The following PRUNE2 variants were observed in gnomAD, a reference collection of about 807,000 sequenced individuals.
PRUNE2 encodes the protein protein prune homolog 2.
A neutral mutation model predicts 252.0 loss-of-function variants in PRUNE2; 164 were observed. That is an observed-to-expected ratio of 0.65 (90% CI 0.57 to 0.74). PRUNE2 has a LOEUF of 0.74. Ranked by LOEUF, PRUNE2 falls within the 30% of genes least tolerant of loss-of-function variation. The pLI, the probability that PRUNE2 is intolerant of heterozygous loss-of-function variation, is 0.00. For missense variants in PRUNE2, 3,495 were observed against 3,711.0 expected, an observed-to-expected ratio of 0.94 and a Z score of 1.51; for synonymous variants, 1,292 against 1,350.2, an observed-to-expected ratio of 0.96 and a Z score of 0.94.
At chr9:76,819,825 T>C (rs766498844) in intron 6 of PRUNE2, among the ~76,000 whole-genome samples, 4 of 152,216 alleles carry the variant, frequency 2.6e-5, no homozygotes, top group Admixed American at 6.5e-5. Context: ...TTCATTAGAA[T>C]GAAAAGATGT....
At position 76,706,346 on chromosome 9, in the gene PRUNE2, G is replaced by A. The variant is rs747249877; in HGVS notation, c.5928C>T (p.His1976=). Residue 1976 remains histidine, a synonymous_variant, in exon 8 of 19, where the codon CAC becomes CAT. Coordinates refer to ENST00000376718, the MANE Select transcript of PRUNE2 (RefSeq NM_015225.3). ...ATGTAACACAACTATTTTCCTCTGC[G>A]TGAGTAAAGGCTGTGTCCGGATGAT... The part of the protein sequence containing the change: ...VCDHPDTAFT[H]AEENSCVTSN... The A allele has an allele frequency of 1.3e-5, 21 of 1,613,834 alleles. No homozygotes were observed. The highest frequency in any genetic ancestry group is 5.0e-5 in the Admixed American group (3 of 60,006).
At chr9:76,824,048 G>C (rs1486334857) in intron 5 of PRUNE2, among the ~76,000 whole-genome samples, 1 of 152,128 alleles carries the variant, frequency 6.6e-6, no homozygotes, top group Non-Finnish European at 1.5e-5. Flanking sequence ...AAGGGACCCA[G>C]AAAGAAAACA....
intron 1 of PRUNE2, among the ~76,000 whole-genome samples, chr9:76,861,781 A>G (rs1239612738): frequency 4.0e-5 from 6 of 150,632 alleles, no homozygotes; most frequent in Admixed American, 3.9e-4. Context: ...TATTTTATTT[A>G]CAGCATTTTT....
intron 6 of PRUNE2, 108 bp from the exon 7 acceptor site, chr9:76,713,829 A>G: frequency 1.4e-6 from 1 of 689,802 alleles, no homozygotes; most frequent in Non-Finnish European, 2.3e-6. Context: ...GATATTTATT[A>G]TTTAAGGCAA....
At chr9:76,879,974 T>C (rs1265032203) in intron 1 of PRUNE2, among the ~76,000 whole-genome samples, 1 of 133,056 alleles carries the variant, frequency 7.5e-6, no homozygotes, top group Non-Finnish European at 1.5e-5. Context: ...AGTGCAGTGG[T>C]GCAATCTCGA....
rs199802266 is a variant in PRUNE2 at position 76,710,411 on chromosome 9, T to C, written c.1863A>G (p.Pro621=). The C allele has an allele frequency of 4.9e-5, 79 of 1,614,014 alleles. No homozygotes were observed. In the African/African-American group the frequency reaches 9.9e-4, roughly 20 times the overall value. The change falls in exon 8 of 19, where the codon CCA becomes CCG. Residue 621 remains proline (P), a synonymous_variant. Transcript: ENST00000376718. ...AGAGTGAGGCTGGTTCTTCAGTGGA[T>C]GGCGAGCTTTCTACTAAACTATTCA... The part of the protein sequence containing the change: ...TPMNSLVESS[P]STEEPASLYT...
At chr9:76,805,405 G>A (rs1370496249) in intron 6 of PRUNE2, among the ~76,000 whole-genome samples, 1 of 152,144 alleles carries the variant, frequency 6.6e-6, no homozygotes, top group Non-Finnish European at 1.5e-5. Flanking sequence ...AGGATCACTT[G>A]AGGTCAGGAG....
intron 18 of PRUNE2, 69 bp from the exon 19 acceptor site, chr9:76,614,669 T>G: frequency 8.3e-7 from 1 of 1,200,672 alleles, no homozygotes; most frequent in Non-Finnish European, 1.2e-6. Context: ...ATGATTTGGG[T>G]AGCACTGTGT....
At chr9:76,698,176 A>G (rs911227980) in intron 9 of PRUNE2, among the ~76,000 whole-genome samples, 5 of 151,796 alleles carry the variant, frequency 3.3e-5, no homozygotes, top group Admixed American at 2.0e-4. Flanking sequence ...CCTCCCGAGT[A>G]GCTGGGATTA....
intron 6 of PRUNE2, among the ~76,000 whole-genome samples, chr9:76,811,718 T>C (rs1169847072): frequency 2.0e-5 from 3 of 152,222 alleles, no homozygotes; most frequent in Non-Finnish European, 4.4e-5. Context: ...AAATGCTTTC[T>C]GACAATACGC....
intron 15 of PRUNE2, among the ~76,000 whole-genome samples, chr9:76,629,734 T>G (rs1330634082): frequency 6.6e-6 from 1 of 152,114 alleles, no homozygotes. Context: ...AATTTTGTGG[T>G]TTTTGACCAA....
At chr9:76,830,636 A>G (rs1403077534) in intron 4 of PRUNE2, among the ~76,000 whole-genome samples, 1 of 151,682 alleles carries the variant, frequency 6.6e-6, no homozygotes, top group Non-Finnish European at 1.5e-5. Context: ...TGAGCGATAC[A>G]GCAAGACTCA....
At chr9:76,827,780 C>G (rs746258147) in intron 4 of PRUNE2, among the ~76,000 whole-genome samples, 17 of 152,098 alleles carry the variant, frequency 1.1e-4, no homozygotes, top group Non-Finnish European at 1.3e-4. Flanking sequence ...CTGGAAAGTC[C>G]CAAGCAAGTC....
At chr9:76,650,872 GCTCTCCTGACAAAAAGGAAGCAAA>G (rs1847109218) in intron 11 of PRUNE2, among the ~76,000 whole-genome samples, 1 of 152,132 alleles carries the variant, frequency 6.6e-6, no homozygotes, top group African/African-American at 2.4e-5. Flanking sequence ...GTGTGACAAA[GCTCTCCTGACAAAAAGGAAGCAAA>G]TACGGAGGCA....
intron 9 of PRUNE2, among the ~76,000 whole-genome samples, chr9:76,686,323 A>G (rs2044084417): frequency 6.6e-6 from 1 of 152,242 alleles, no homozygotes; most frequent in Non-Finnish European, 1.5e-5. Context: ...CTGGAAAATA[A>G]ACATAACAGC....
chr9:76,709,206 A>G lies in PRUNE2; in HGVS notation c.3068T>C (p.Ile1023Thr). 3 of 1,191,048 alleles carry G rather than the reference A, an allele frequency of 2.5e-6. No individual in the cohort carries two copies. Among genetic ancestry groups the G allele is most frequent in the South Asian group, 2.6e-5 (2 of 77,152 alleles). The allele number at this position is 1,191,048 out of a possible 1,614,324, so 73.8% of individuals were successfully genotyped here. ...GTCTAGGTTCCCAGGACCTGAACTG[A>G]TTCGATTTCGAGATGACTGTTGCAG... ...QSLQQSSRNRISSGPGNLDMW... is the reference protein window; with the variant it reads ...QSLQQSSRNRTSSGPGNLDMW... Residue 1023 changes from isoleucine (I) to threonine (T), a missense_variant, in exon 8 of 19, where the codon ATC becomes ACC. By Grantham distance (89) the Ile-to-Thr change is moderately conservative. Transcript: ENST00000376718.
At chr9:76,672,389 CAAGATTCAT>C (rs1479347229) in intron 9 of PRUNE2, among the ~76,000 whole-genome samples, 1 of 125,626 alleles carries the variant, frequency 8.0e-6, no homozygotes, top group East Asian at 2.3e-4. Context: ...ACAGGAGCAC[CAAGATTCAT>C]AAAGCAAGTC....
In PRUNE2 at chr9:76,710,662, C is replaced by T. The variant is rs367647963; in HGVS notation, c.1612G>A (p.Gly538Arg). The change falls in exon 8 of 19, where the codon GGA (glycine) becomes AGA (arginine). Residue 538 changes from glycine to arginine, a missense_variant. Coordinates refer to ENST00000376718, the MANE Select transcript of PRUNE2 (RefSeq NM_015225.3). ...SEGQLPAGPEGLDGMGTNMSN... is the reference protein window; with the variant it reads ...SEGQLPAGPERLDGMGTNMSN... ...ATGTTGGTTCCCATGCCATCAAGTC[C>T]TTCAGGCCCAGCGGGGAGCTGTCCT... 17 of 1,612,438 alleles carry T rather than the reference C, an allele frequency of 1.1e-5. No individual in the cohort carries two copies. Among genetic ancestry groups the T allele is most frequent in the Non-Finnish European group, 1.4e-5 (17 of 1,179,128 alleles).
In PRUNE2 at chr9:76,855,064, C is replaced by CAA. The variant is rs772890225; in HGVS notation, c.37-858_37-857dup. On this transcript the variant is annotated intron_variant, in intron 1 of 18. Coordinates refer to ENST00000376718, the MANE Select transcript of PRUNE2 (RefSeq NM_015225.3). ...CTGGCCACAGAGCAAGACTCCATCT[C>CAA]AAAAAAAAAAAAAAAAAAATATATA... 7.9e-3 allele frequency among the ~76,000 whole-genome samples: 620 copies of CAA among 78,056 alleles called. 4 individuals are homozygous for CAA. Among genetic ancestry groups the CAA allele is most frequent in the South Asian group, 0.044 (92 of 2,068 alleles). 51.2% of individuals were successfully genotyped at this position (78,056 alleles called of 152,430 possible). A position where few individuals can be genotyped will look rare whatever the true frequency, so the allele number is the denominator to read the frequency against.
Sources: allele counts gnomAD v4.1 joint callset (sites outside exome capture counted in the v4.1 genomes callset), GRCh38; gene constraint gnomAD v4.1.1; transcripts MANE v1.5; gene names NCBI Gene and HGNC (gene_info 2026-07-23, HGNC 2026-07-21).